Variants in NUP160 observed in about 807,000 individuals in gnomAD.
NUP160 encodes the protein nucleoporin 160.
In NUP160, 94 loss-of-function variants were observed where a neutral mutation model predicts 196.9. The observed-to-expected ratio is 0.48, with a 90% CI of 0.40 to 0.57. The LOEUF (loss-of-function observed/expected upper bound fraction) is 0.57, where lower values mean the gene tolerates loss of function less well. Ranked by LOEUF, NUP160 falls within the 20% of genes least tolerant of loss-of-function variation. NUP160 has a pLI of 0.00. For missense variants in NUP160, 1,638 were observed against 1,748.3 expected (o/e 0.94, Z 1.13); for synonymous variants, 605 against 619.7 (o/e 0.98, Z 0.35).
At chr11:47,779,850 C>A (rs1298162454) in intron 35 of NUP160, among the ~76,000 whole-genome samples, 1 of 152,162 alleles carries the variant, frequency 6.6e-6, no homozygotes, top group Admixed American at 6.5e-5. Flanking sequence ...GCCTCAGCCT[C>A]CCGAGTAGCT....
At chr11:47,803,191 TAA>T (rs1367240733) in intron 22 of NUP160, among the ~76,000 whole-genome samples, 6 of 128,408 alleles carry the variant, frequency 4.7e-5, no homozygotes, top group Non-Finnish European at 1.0e-4. Flanking sequence ...AAGGAATCTC[TAA>T]AAACACACAG....
chr11:47,822,873 T>C (rs1201850062), intron 7 of NUP160, among the ~76,000 whole-genome samples: 2 of 152,218 alleles, frequency 1.3e-5, no homozygotes, highest in African/African-American at 4.8e-5. Context: ...TCCAGCTTCA[T>C]CCGTGTCCCT....
intron 7 of NUP160, among the ~76,000 whole-genome samples, chr11:47,822,623 G>A (rs1348211071): frequency 6.6e-6 from 1 of 151,146 alleles, no homozygotes; most frequent in Admixed American, 6.6e-5. Context: ...TGCACAACGT[G>A]CAGGTTTGTT....
At chr11:47,847,112 T>C (rs1000397739) in intron 2 of NUP160, among the ~76,000 whole-genome samples, 1 of 152,102 alleles carries the variant, frequency 6.6e-6, no homozygotes. Flanking sequence ...TCACTTTCTG[T>C]TTTACCCACT....
Position 47,812,162 on chromosome 11 carries a change from T to C in NUP160, c.2143A>G (p.Ile715Val), listed in dbSNP as rs777334014. The C allele has an allele frequency of 2.5e-6, 4 of 1,614,016 alleles. No individual in the cohort carries two copies. The highest frequency in any genetic ancestry group is 1.6e-4 in the Middle Eastern group (1 of 6,062). Reference sequence around the variant, plus strand: ...ATTTTATGCACCCCTCTGCACACAATATACCCTGCTGTGTTACTACCATAG... The same window carrying C: ...ATTTTATGCACCCCTCTGCACACAACATACCCTGCTGTGTTACTACCATAG... Residue 715 changes from isoleucine to valine, a missense_variant, in exon 17 of 36, where the codon ATT becomes GTT. By Grantham distance (29) the Ile-to-Val change is conservative (BLOSUM62 3). Transcript: ENST00000378460.
rs183497602 is a variant in NUP160 at position 47,790,720 on chromosome 11, T to A, written c.3511+1210A>T. 5.3e-5 allele frequency among the ~76,000 whole-genome samples: 8 copies of A among 152,228 alleles called. No individual in the cohort carries two copies. The South Asian group carries it at 1.7e-3, about 32-fold the overall frequency. On this transcript the variant is annotated intron_variant, in intron 29 of 35. Coordinates refer to ENST00000378460, the Ensembl canonical transcript of NUP160. ...AGTGAGCCATGATTGTGCCACTGCA[T>A]TGCAGCCTAGGCAACACAGTGAGAC...
chr11:47,848,197 C>T (rs746460791), intron 1 of NUP160, 22 bp downstream of exon 1: 1 of 1,613,722 alleles, frequency 6.2e-7, no homozygotes. Context: ...TGGGATCGCA[C>T]CCTCCCTGGC....
At chr11:47,807,964 A>G (rs1477460121) in intron 18 of NUP160, among the ~76,000 whole-genome samples, 3 of 152,248 alleles carry the variant, frequency 2.0e-5, no homozygotes, top group Non-Finnish European at 4.4e-5. Flanking sequence ...TCTTAATGGC[A>G]TATAATTTTA....
At chr11:47,787,585 C>T (rs1187473210) in intron 31 of NUP160, among the ~76,000 whole-genome samples, 1 of 151,024 alleles carries the variant, frequency 6.6e-6, no homozygotes, top group Admixed American at 6.6e-5. Flanking sequence ...GTGTGCCACA[C>T]CCTCATTTTT....
chr11:47,840,050 T>C lies in NUP160; in HGVS notation c.541A>G (p.Ser181Gly), dbSNP rs545484822. 1.3e-5 allele frequency: 21 copies of C among 1,610,688 alleles called. No individual in the cohort carries two copies. In the East Asian group the frequency reaches 4.5e-4, roughly 34 times the overall value. ...TCAGTGAATATTGACTGCATCTGACTGTCAACTACCAACTCCTGTTGAGTA... is the reference window on the plus strand; with the variant it reads ...TCAGTGAATATTGACTGCATCTGACCGTCAACTACCAACTCCTGTTGAGTA... The change falls in exon 4 of 36, where the codon AGT (serine) becomes GGT (glycine). Residue 181 changes from serine to glycine, a missense_variant. By Grantham distance (56) the Ser-to-Gly change is moderately conservative (BLOSUM62 0). This residue lies in a region of NUP160 where 287 missense variants were observed against 259.5 expected (regional missense o/e 1.11). Coordinates refer to ENST00000378460, the Ensembl canonical transcript of NUP160.
At chr11:47,848,029 A>T in intron 1 of NUP160, 70 bp from the exon 2 acceptor site, 1 of 1,359,960 alleles carries the variant, frequency 7.4e-7, no homozygotes, top group South Asian at 1.2e-5. Flanking sequence ...GGAGCTGACA[A>T]AGCAGAGAGT....
intron 7 of NUP160, among the ~76,000 whole-genome samples, chr11:47,822,738 G>A (rs759985226): frequency 2.6e-5 from 4 of 152,060 alleles, no homozygotes; most frequent in Non-Finnish European, 5.9e-5. Flanking sequence ...CCCCACGACA[G>A]GTGCCAGTGT....
chr11:47,804,801 G>A (rs979115072), intron 20 of NUP160, among the ~76,000 whole-genome samples, 183 bp from the exon 21 acceptor site: 2 of 152,058 alleles, frequency 1.3e-5, no homozygotes, highest in Non-Finnish European at 2.9e-5. Flanking sequence ...TTTATACCAG[G>A]AGACTTGTTA....
intron 34 of NUP160, among the ~76,000 whole-genome samples, chr11:47,780,842 T>C (rs993786277): frequency 6.6e-6 from 1 of 152,034 alleles, no homozygotes; most frequent in East Asian, 1.9e-4. Flanking sequence ...ATGCATTTTT[T>C]CCCCCAACCA....
At chr11:47,827,980 C>T (rs1284603507) in intron 7 of NUP160, among the ~76,000 whole-genome samples, 1 of 152,164 alleles carries the variant, frequency 6.6e-6, no homozygotes, top group Non-Finnish European at 1.5e-5. Context: ...AGTGATCCTG[C>T]CATCTCAGCC....
intron 10 of NUP160, among the ~76,000 whole-genome samples, chr11:47,818,763 T>G (rs146140726): frequency 1.1e-3 from 160 of 152,204 alleles, no homozygotes; most frequent in African/African-American, 3.2e-3. Context: ...AAACAACAGT[T>G]TTAGTAATCA....
chr11:47,794,540 G>T (rs553571788), intron 27 of NUP160, among the ~76,000 whole-genome samples: 8 of 152,208 alleles, frequency 5.3e-5, no homozygotes, highest in African/African-American at 1.9e-4. Flanking sequence ...AGGCAGAGGT[G>T]GGCAGATCAC....
At position 47,788,163 on chromosome 11, in the gene NUP160, A is replaced by G; in HGVS notation, c.3746+19T>C. ...TATTTGCATTAGAAAAGACTATAAA[A>G]AAATAATTTTATACATACTTGAAGG... is the stretch of plus-strand genomic sequence containing the variant. On this transcript the variant is annotated intron_variant, in intron 31 of 35. Transcript: ENST00000378460. 1 of 1,596,724 alleles carries G rather than the reference A, an allele frequency of 6.3e-7. No individual in the cohort carries two copies. The highest frequency in any genetic ancestry group is 8.5e-7 in the Non-Finnish European group (1 of 1,171,732).
At chr11:47,808,300 AAAAAC>A (rs2097678959) in intron 18 of NUP160, 91 bp downstream of exon 18, 2 of 1,259,414 alleles carry the variant, frequency 1.6e-6, no homozygotes, top group Non-Finnish European at 2.2e-6. Flanking sequence ...AAACAAAAAC[AAAAAC>A]AAAACACTAA....
Sources: allele counts gnomAD v4.1 joint callset (sites outside exome capture counted in the v4.1 genomes callset), GRCh38; gene constraint gnomAD v4.1.1; regional missense constraint gnomAD v4.1.1; transcripts MANE v1.5; gene names NCBI Gene and HGNC (gene_info 2026-07-23, HGNC 2026-07-21).